MTERF4: variants seen among roughly 807,000 people sequenced by gnomAD.
MTERF4 encodes the protein mitochondrial transcription termination factor 4.
In MTERF4, 17 loss-of-function variants were observed where a neutral mutation model predicts 22.5. That is an observed-to-expected ratio of 0.75 (90% CI 0.52 to 1.13). The LOEUF (loss-of-function observed/expected upper bound fraction) is 1.13, where lower values mean the gene tolerates loss of function less well. MTERF4 is among the 50% of genes most tolerant of loss of function. The pLI is 0.00. For missense variants in MTERF4, 420 were observed against 466.8 expected (o/e 0.90, Z 0.92); for synonymous variants, 165 against 175.3 (o/e 0.94, Z 0.47).
chr2:241,100,862 C>A (rs187247046), intron 1 of MTERF4, among the ~76,000 whole-genome samples: 1 of 152,262 alleles, frequency 6.6e-6, no homozygotes, highest in East Asian at 1.9e-4. Flanking sequence ...CGGTCTGGTG[C>A]CCCTAACCCC....
downstream of MTERF4, chr2:241,089,478 T>G (rs1393391981): frequency 9.9e-6 from 15 of 1,517,186 alleles, no homozygotes; most frequent in Admixed American, 3.2e-4. Context: ...CACACCCCCT[T>G]GGGGGAAAGG....
chr2:241,090,765 G>A (rs1231445170), downstream of MTERF4, among the ~76,000 whole-genome samples: 1 of 151,930 alleles, frequency 6.6e-6, no homozygotes, highest in African/African-American at 2.4e-5. Context: ...TACTGAAGAG[G>A]CTGAGTCAGG....
At chr2:241,072,137 CAAGAG>C, downstream of MTERF4, 1 of 691,422 alleles carries the variant, frequency 1.4e-6, no homozygotes, top group Non-Finnish European at 2.6e-6. Context: ...GTAGGGCACG[CAAGAG>C]AAGATAAACA....
the MTERF4 span, chr2:241,048,307 T>C: frequency 6.3e-7 from 1 of 1,592,406 alleles, no homozygotes; most frequent in East Asian, 2.2e-5. Flanking sequence ...CTGCCGTCTT[T>C]CTTGCAGGAG....
downstream of MTERF4, chr2:241,089,257 T>C: frequency 1.3e-6 from 2 of 1,531,340 alleles, no homozygotes; most frequent in Non-Finnish European, 8.8e-7. Context: ...GCTTTGCTCT[T>C]CCTGCCCCTT....
At chr2:241,057,412 T>TATATATATGC in the MTERF4 span, among the ~76,000 whole-genome samples, 94 of 129,376 alleles carry the variant, frequency 7.3e-4, 1 homozygote, top group African/African-American at 2.5e-3. Context: ...TATATATATA[T>TATATATATGC]GCCATACGCA....
chr2:241,099,998 A>G (rs1559341994), intron 1 of MTERF4, 104 bp from the exon 2 acceptor site: 1 of 1,387,244 alleles, frequency 7.2e-7, no homozygotes, highest in Non-Finnish European at 9.6e-7. Flanking sequence ...GTTCCACACA[A>G]ACATACAATT....
At chr2:241,059,826 A>G in the MTERF4 span, among the ~76,000 whole-genome samples, 1 of 152,372 alleles carries the variant, frequency 6.6e-6, no homozygotes, top group Admixed American at 6.5e-5. Context: ...CAGTGGTGAA[A>G]GACTCCACCT....
chr2:241,072,106 G>A (rs2062757975), downstream of MTERF4: 2 of 699,422 alleles, frequency 2.9e-6, no homozygotes, highest in Non-Finnish European at 5.2e-6. Flanking sequence ...TCAGTGTGTG[G>A]GCTGGAGGCG....
downstream of MTERF4, among the ~76,000 whole-genome samples, chr2:241,090,888 A>G (rs1293825585): frequency 4.6e-5 from 7 of 152,064 alleles, no homozygotes; most frequent in Non-Finnish European, 7.4e-5. Context: ...AAAAAAAGAA[A>G]AAAGAATTCT....
intron 1 of MTERF4, 109 bp downstream of exon 1, chr2:241,102,144 G>T: frequency 6.8e-7 from 1 of 1,479,564 alleles, no homozygotes; most frequent in Non-Finnish European, 9.2e-7. Flanking sequence ...ACGGACCTCC[G>T]GGAGGGCTCC....
At chr2:241,050,184 C>T in the MTERF4 span, 1 of 559,430 alleles carries the variant, frequency 1.8e-6, no homozygotes, top group South Asian at 2.3e-5. Flanking sequence ...TCATTGCCTG[C>T]TCAGCATTTT....
the MTERF4 span, chr2:241,052,203 T>C: frequency 6.5e-7 from 1 of 1,547,538 alleles, no homozygotes; most frequent in Non-Finnish European, 8.9e-7. Flanking sequence ...GGGTGAACCC[T>C]CTCTGCAGAT....
At chr2:241,089,507 A>G, downstream of MTERF4, 1 of 1,406,178 alleles carries the variant, frequency 7.1e-7, no homozygotes, top group East Asian at 2.5e-5. Flanking sequence ...GGAGCTCCGC[A>G]CATGGCAGGA....
rs1225298866 is a variant in MTERF4 at position 241,096,091 on chromosome 2, A to G, written c.1053T>C (p.Asn351=). 2.5e-6 allele frequency: 4 copies of G among 1,612,708 alleles called. No individual in the cohort carries two copies. Among genetic ancestry groups the G allele is most frequent in the Non-Finnish European group, 3.4e-6 (4 of 1,179,566 alleles). ...CATCCTCATCATTGTCATCCTCATC[A>G]TTGTCCTCCTCATCATCGTCATCCT... ...EDEDDDDEED[N]DEDDNDEDDD... is the part of the protein sequence containing the mutation. Residue 351 remains asparagine, a synonymous_variant, in exon 4 of 4, where the codon AAT becomes AAC. Coordinates refer to ENST00000391980, the MANE Select transcript of MTERF4 (RefSeq NM_182501.4). The surrounding 1 kb of genome is among the most constrained non-coding windows in gnomAD (Gnocchi z 5.1).
At chr2:241,051,756 T>G in the MTERF4 span, 1 of 1,522,366 alleles carries the variant, frequency 6.6e-7, no homozygotes. This position sits in a 1 kb window ranked among gnomAD's most constrained non-coding sequence, Gnocchi z 4.7. Flanking sequence ...CGGCCACACC[T>G]GTGCAGCTCA....
downstream of MTERF4, among the ~76,000 whole-genome samples, chr2:241,084,340 G>C (rs1284789166): frequency 1.3e-5 from 2 of 152,048 alleles, no homozygotes; most frequent in East Asian, 1.9e-4. Flanking sequence ...TTTACGTAGA[G>C]ACAGGGTTTC....
downstream of MTERF4, chr2:241,088,369 C>T: frequency 6.2e-7 from 1 of 1,609,388 alleles, no homozygotes; most frequent in Non-Finnish European, 8.5e-7. Context: ...TTTCAGGAAA[C>T]AAAGTAAGAG....
rs371823470 is a variant in MTERF4, at chr2:241,073,384, G to C, written n.2778C>G. ...TCGGAAGTGAGTCAGCAGCGCTGGT[G>C]GGGACTTTGGGACTGACTGACTGCT... On this transcript the variant is annotated non_coding_transcript_exon_variant, in exon 5 of 5. Transcript: ENST00000464344. This position sits in a 1 kb window ranked among gnomAD's most constrained non-coding sequence, Gnocchi z 6.6. 110 of 1,543,656 alleles carry C rather than the reference G, an allele frequency of 7.1e-5. No individual in the cohort carries two copies. Among genetic ancestry groups the C allele is most frequent in the Middle Eastern group, 1.7e-4 (1 of 5,996 alleles).
Sources: allele counts gnomAD v4.1 joint callset (sites outside exome capture counted in the v4.1 genomes callset), GRCh38; gene constraint gnomAD v4.1.1; non-coding constraint Gnocchi (gnomAD v3.1); transcripts MANE v1.5; gene names NCBI Gene and HGNC (gene_info 2026-07-23, HGNC 2026-07-21).